TBCD: variants seen among roughly 807,000 people sequenced by gnomAD.
TBCD encodes tubulin folding cofactor D, also known as tubulin-specific chaperone D.
A neutral mutation model predicts 169.3 loss-of-function variants in TBCD; 105 were observed. That is an observed-to-expected ratio of 0.62 (90% CI 0.53 to 0.73). The LOEUF (loss-of-function observed/expected upper bound fraction) is 0.73, where lower values mean the gene tolerates loss of function less well. TBCD is among the 30% of genes least tolerant of loss of function. TBCD has a pLI of 0.00. For synonymous variants in TBCD, 700 were observed against 643.9 expected, an observed-to-expected ratio of 1.09 and a Z score of -1.32; for missense variants, 1,444 against 1,600.1, an observed-to-expected ratio of 0.90 and a Z score of 1.66.
At chr17:82,756,981 G>A (rs541973300) in intron 2 of TBCD, among the ~76,000 whole-genome samples, 31 of 152,254 alleles carry the variant, frequency 2.0e-4, no homozygotes, top group African/African-American at 5.8e-4. Flanking sequence ...TTAGTGTAAG[G>A]GGTGTGGTTT....
chr17:82,838,955 G>A (rs978336431), intron 13 of TBCD: 1 of 985,294 alleles, frequency 1.0e-6, no homozygotes, highest in African/African-American at 1.7e-5. Flanking sequence ...GACGGACTGT[G>A]CTTGGTCAGT....
At position 82,832,896 on chromosome 17, in the gene TBCD, T is replaced by C. The variant is rs12603419; in HGVS notation, c.1318+17962T>C. 0.41 allele frequency among the ~76,000 whole-genome samples: 63,088 copies of C among 152,048 alleles called. 13,404 individuals carry two copies. Among genetic ancestry groups the C allele is most frequent in the East Asian group, 0.54 (2,785 of 5,148 alleles). ...CACCTCGGGGCCTAGAGGTGGAGTGTGGTGTGTGGTGCGTTGAGTGTCTGT... is the reference window on the plus strand; with the variant it reads ...CACCTCGGGGCCTAGAGGTGGAGTGCGGTGTGTGGTGCGTTGAGTGTCTGT... On this transcript the variant is annotated intron_variant, in intron 13 of 38. Transcript: ENST00000355528. This position sits in a 1 kb window ranked among gnomAD's most constrained non-coding sequence, Gnocchi z 4.9.
intron 34 of TBCD, 32 bp downstream of exon 34, chr17:82,932,767 G>A (rs757644381): frequency 6.2e-6 from 10 of 1,606,500 alleles, no homozygotes; most frequent in Middle Eastern, 1.6e-4. Flanking sequence ...CTTCCTTTCC[G>A]ATTAAGCCTA....
intron 13 of TBCD, among the ~76,000 whole-genome samples, chr17:82,849,408 A>G (rs1348984921): frequency 6.6e-6 from 1 of 152,206 alleles, no homozygotes; most frequent in Non-Finnish European, 1.5e-5. Context: ...CATCCATTGC[A>G]GTGAAATCTT....
At chr17:82,882,961 C>T (rs901243504) in intron 14 of TBCD, among the ~76,000 whole-genome samples, 4 of 152,228 alleles carry the variant, frequency 2.6e-5, no homozygotes, top group Admixed American at 6.5e-5. Context: ...CAGGCTGGAG[C>T]GGGTGACGGT....
intron 2 of TBCD, among the ~76,000 whole-genome samples, chr17:82,758,154 C>T (rs994806997): frequency 5.9e-5 from 9 of 151,428 alleles, no homozygotes; most frequent in African/African-American, 1.9e-4. Flanking sequence ...TTTGGGAGGC[C>T]GGGGCGGGTG....
intron 2 of TBCD, among the ~76,000 whole-genome samples, chr17:82,758,415 A>C (rs960609156): frequency 7.0e-6 from 1 of 143,184 alleles, no homozygotes; most frequent in African/African-American, 2.5e-5. Flanking sequence ...AAATAAATAA[A>C]TAAATTTTTT....
intron 13 of TBCD, among the ~76,000 whole-genome samples, chr17:82,822,576 A>G (rs1012017562): frequency 6.6e-6 from 1 of 152,210 alleles, no homozygotes; most frequent in Non-Finnish European, 1.5e-5. Context: ...TCAGGAACAC[A>G]GTGAGGGGTT....
chr17:82,765,586 A>T (rs74000069), intron 3 of TBCD, among the ~76,000 whole-genome samples: 2,404 of 152,258 alleles, frequency 0.016, 63 homozygotes, highest in African/African-American at 0.054. Context: ...GCGAGAGGAC[A>T]CTGCGGGTGA....
chr17:82,911,776 C>CA lies in TBCD; in HGVS notation c.2026dup (p.Met676AsnfsTer20). 6.2e-7 allele frequency: 1 copy of CA among 1,613,916 alleles called. No homozygotes were observed. The highest frequency in any genetic ancestry group is 8.5e-7 in the Non-Finnish European group (1 of 1,179,874). ...TTTTCAGGGGTCTGGGAGGACAGCT[C>CA]ATGAGACAAGCAGGTAAGTCTGAAG... On this transcript the variant is annotated frameshift_variant, in exon 23 of 39. Coordinates refer to ENST00000355528, the MANE Select transcript of TBCD (RefSeq NM_005993.5). LOFTEE classifies it high-confidence loss of function.
intron 13 of TBCD, among the ~76,000 whole-genome samples, chr17:82,866,146 C>T (rs953896675): frequency 9.2e-5 from 14 of 152,056 alleles, no homozygotes; most frequent in Admixed American, 6.5e-5. Flanking sequence ...GTTTCTGTTC[C>T]ACACGCCCCT....
rs1272904475 is a variant in TBCD, at chr17:82,915,294, C to T, written c.2038+3505C>T. Among the ~76,000 whole-genome samples the T allele has an allele frequency of 1.3e-5, 2 of 152,156 alleles. No individual in the cohort carries two copies. The highest frequency in any genetic ancestry group is 2.9e-5 in the Non-Finnish European group (2 of 68,024). ...GTGTCGAACCGCAGATTTCTTCAGA[C>T]GTTTTTTGCACATTTTGTGGGAAAA... On this transcript the variant is annotated intron_variant, in intron 23 of 38. Transcript: ENST00000355528. This position sits in a 1 kb window ranked among gnomAD's most constrained non-coding sequence, Gnocchi z 4.3.
intron 23 of TBCD, among the ~76,000 whole-genome samples, chr17:82,912,708 C>T (rs2060734191): frequency 6.6e-6 from 1 of 152,218 alleles, no homozygotes; most frequent in South Asian, 2.1e-4. Flanking sequence ...GGCCGGATGT[C>T]AGGGCTGTAC....
Position 82,830,241 on chromosome 17 carries a change from A to G in TBCD, c.1318+15307A>G, listed in dbSNP as rs748190994. 4.3e-6 allele frequency: 7 copies of G among 1,613,990 alleles called. No homozygotes were observed. The Admixed American group carries it at 6.7e-5, about 15-fold the overall frequency. On this transcript the variant is annotated intron_variant, in intron 13 of 38. Transcript: ENST00000355528. ...GCTGGGATTTTCCAGCATCCCTTAGACTTGTCCTCTTTTGTCCTTTGGGTC... is the reference window on the plus strand; with the variant it reads ...GCTGGGATTTTCCAGCATCCCTTAGGCTTGTCCTCTTTTGTCCTTTGGGTC...
intron 19 of TBCD, among the ~76,000 whole-genome samples, chr17:82,904,394 T>C (rs566924268): frequency 1.1e-4 from 17 of 152,052 alleles, no homozygotes; most frequent in African/African-American, 4.1e-4. Context: ...TCTAGGTGGC[T>C]TGCACCTGCC....
chr17:82,936,848 C>T (rs1374845856), intron 34 of TBCD, among the ~76,000 whole-genome samples: 1 of 152,264 alleles, frequency 6.6e-6, no homozygotes, highest in Non-Finnish European at 1.5e-5. Flanking sequence ...CAAAACAACA[C>T]TGCACAGCCT....
rs1399933959 is a variant in TBCD, at chr17:82,922,810, G to A, written c.2179-842G>A. 3.9e-5 allele frequency among the ~76,000 whole-genome samples: 6 copies of A among 152,204 alleles called. No individual in the cohort carries two copies. The highest frequency in any genetic ancestry group is 1.9e-4 in the East Asian group (1 of 5,204). ...CTGTTGGCCTCGGCTCCTGGGCTTC[G>A]GGGGAGCGGTGGAAAGAACACGTGG... On this transcript the variant is annotated intron_variant, in intron 25 of 38. Coordinates refer to ENST00000355528, the MANE Select transcript of TBCD (RefSeq NM_005993.5). The surrounding 1 kb of genome is among the most constrained non-coding windows in gnomAD (Gnocchi z 4.1).
intron 11 of TBCD, among the ~76,000 whole-genome samples, chr17:82,809,476 C>T (rs949285872): frequency 6.6e-6 from 1 of 152,130 alleles, no homozygotes; most frequent in Non-Finnish European, 1.5e-5. Context: ...GGTGACCTAC[C>T]CTGTGCCGCG....
chr17:82,767,546 A>T (rs1568103431), intron 4 of TBCD, among the ~76,000 whole-genome samples: 1 of 151,964 alleles, frequency 6.6e-6, no homozygotes, highest in Non-Finnish European at 1.5e-5. Context: ...GGTTCAAGCG[A>T]TTCTCCTGTG....
Sources: gnomAD v4.1 joint callset for allele counts (sites outside exome capture counted in the v4.1 genomes callset) on GRCh38, gnomAD v4.1.1 for gene constraint, Gnocchi (gnomAD v3.1) non-coding constraint, MANE v1.5 for transcripts, NCBI Gene and HGNC (gene_info 2026-07-23, HGNC 2026-07-21) for gene names.